Variants in DEK observed in about 807,000 individuals in gnomAD.
DEK encodes protein DEK.
In DEK, 28 loss-of-function variants were observed where a neutral mutation model predicts 46.8. The observed-to-expected ratio is 0.60, with a 90% CI of 0.44 to 0.82. The LOEUF (loss-of-function observed/expected upper bound fraction) is 0.82, where lower values mean the gene tolerates loss of function less well. Among genes scored for constraint, DEK ranks in the 40% least tolerant of loss-of-function variants. The pLI is 0.00. For missense variants in DEK, 416 were observed against 430.6 expected, an observed-to-expected ratio of 0.97 and a Z score of 0.30; for synonymous variants, 160 against 144.5, an observed-to-expected ratio of 1.11 and a Z score of -0.77.
intron 3 of DEK, 67 bp downstream of exon 3, chr6:18,258,237 C>T: frequency 7.2e-7 from 1 of 1,391,408 alleles, no homozygotes; most frequent in Non-Finnish European, 1.0e-6. Context: ...TACTAAGCTA[C>T]AAACCATCAT....
intron 10 of DEK, 60 bp downstream of exon 10, chr6:18,226,114 T>C: frequency 1.7e-6 from 2 of 1,177,784 alleles, no homozygotes; most frequent in Non-Finnish European, 1.1e-6. Flanking sequence ...ATGGAGTATT[T>C]TATGTAATTA....
Position 18,263,868 on chromosome 6 carries a change from G to C in DEK, c.120C>G (p.Asp40Glu), listed in dbSNP as rs1218791710. The C allele has an allele frequency of 1.7e-5, 27 of 1,611,102 alleles. No individual in the cohort carries two copies. The highest frequency in any genetic ancestry group is 3.3e-4 in the Middle Eastern group (2 of 6,064). The change falls in exon 2 of 11, where the codon GAC becomes GAG. Residue 40 changes from aspartate (D) to glutamate (E), a missense_variant. Physicochemically the swap from Asp to Glu is conservative, Grantham distance 45. Transcript: ENST00000652689. ...EESEEEEDED[D>E]EEEEEEEKEK... is the part of the protein sequence containing the mutation. ...CTTTTTCCTCCTCCTCCTCCTCCTC[G>C]TCGTCCTCGTCCTCTTCCTCCTCGC... is the stretch of plus-strand genomic sequence containing the variant.
intron 9 of DEK, among the ~76,000 whole-genome samples, chr6:18,228,038 T>C (rs997595228): frequency 6.6e-6 from 1 of 152,190 alleles, no homozygotes; most frequent in Non-Finnish European, 1.5e-5. Context: ...TTATACTTGC[T>C]GCTTGACTCA....
intron 7 of DEK, among the ~76,000 whole-genome samples, chr6:18,237,769 T>C (rs976854705): frequency 1.1e-4 from 17 of 151,920 alleles, no homozygotes; most frequent in Admixed American, 3.9e-4. Context: ...ATAAACTACA[T>C]ATGCATTACT....
At chr6:18,237,753 CTATGGATAAACTACA>C (rs1790722161) in intron 7 of DEK, among the ~76,000 whole-genome samples, 1 of 151,774 alleles carries the variant, frequency 6.6e-6, no homozygotes, top group Non-Finnish European at 1.5e-5. Flanking sequence ...TTATTCAACA[CTATGGATAAACTACA>C]TATGCATTAC....
intron 5 of DEK, among the ~76,000 whole-genome samples, 189 bp from the exon 6 acceptor site, chr6:18,256,040 T>A (rs1582292974): frequency 6.6e-6 from 1 of 151,516 alleles, no homozygotes; most frequent in East Asian, 1.9e-4. Context: ...CAGGCTGGAG[T>A]GCAATGGCCC....
chr6:18,228,785 C>T (rs988025473), intron 9 of DEK, among the ~76,000 whole-genome samples: 1 of 152,244 alleles, frequency 6.6e-6, no homozygotes, highest in Non-Finnish European at 1.5e-5. Flanking sequence ...GCTAGCACGG[C>T]AGTGTAAGAT....
In DEK at chr6:18,225,751, T is replaced by G. The variant is rs779022944; in HGVS notation, c.1117-21A>C. 8.7e-6 allele frequency: 14 copies of G among 1,612,778 alleles called. No homozygotes were observed. The East Asian group carries it at 2.5e-4, about 28-fold the overall frequency. On this transcript the variant is annotated intron_variant, in intron 10 of 10. Transcript: ENST00000652689. Reference sequence around the variant, plus strand: ...ATTAGCTGTAATGAAAGAGAAACATTATTTTGCCATAAATCATAAACCTTT... The same window carrying G: ...ATTAGCTGTAATGAAAGAGAAACATGATTTTGCCATAAATCATAAACCTTT...
intron 9 of DEK, among the ~76,000 whole-genome samples, chr6:18,232,233 T>C (rs1437649630): frequency 2.6e-5 from 4 of 152,172 alleles, no homozygotes; most frequent in Admixed American, 2.0e-4. Context: ...TAAAGAGCTA[T>C]TTATGACAAA....
intron 9 of DEK, 146 bp from the exon 10 acceptor site, chr6:18,226,388 T>G: frequency 3.4e-6 from 2 of 592,694 alleles, no homozygotes; most frequent in Non-Finnish European, 5.1e-6. Context: ...TGGAATTCTA[T>G]TCCAAATGAG....
chr6:18,261,432 T>C (rs1486083914), intron 2 of DEK, among the ~76,000 whole-genome samples: 2 of 152,112 alleles, frequency 1.3e-5, no homozygotes, highest in Non-Finnish European at 2.9e-5. Context: ...ATCAGCCAGC[T>C]GTGGTGGCAT....
Position 18,236,472 on chromosome 6 carries a change from T to A in DEK, c.1027A>T (p.Met343Leu). 6.2e-7 allele frequency: 1 copy of A among 1,611,560 alleles called. No individual in the cohort carries two copies. ...ATTACCTTTTTGCAAATCTGTTTCA[T>A]TGTGACTTCTTCCAAGTTAGCACTG... is the stretch of plus-strand genomic sequence containing the variant. ...LASANLEEVT[M>L]KQICKKVYEN... Residue 343 changes from methionine to leucine, a missense_variant, in exon 9 of 11, where the codon ATG becomes TTG. By Grantham distance (15) the Met-to-Leu change is conservative. Coordinates refer to ENST00000652689, the MANE Select transcript of DEK (RefSeq NM_003472.4).
rs1377920540 is a variant in DEK at position 18,230,253 on chromosome 6, G to A, written c.1048-4011C>T. 3.9e-5 allele frequency among the ~76,000 whole-genome samples: 6 copies of A among 151,994 alleles called. No homozygotes were observed. In the South Asian group the frequency reaches 6.2e-4, roughly 16 times the overall value. On this transcript the variant is annotated intron_variant, in intron 9 of 10. Coordinates refer to ENST00000652689, the MANE Select transcript of DEK (RefSeq NM_003472.4). ...GCACTAAACATGGAAAGGAACAACC[G>A]GTACCAGCCACTGCAAAAACATGCC...
intron 6 of DEK, 43 bp from the exon 7 acceptor site, chr6:18,249,882 T>G: frequency 6.6e-7 from 1 of 1,523,482 alleles, no homozygotes; most frequent in Non-Finnish European, 8.8e-7. Context: ...AGGTATAATA[T>G]TTCAATCAAT....
chr6:18,230,518 G>A (rs915307277), intron 9 of DEK, among the ~76,000 whole-genome samples: 5 of 152,116 alleles, frequency 3.3e-5, no homozygotes, highest in East Asian at 3.8e-4. Flanking sequence ...GGCTCAAAAT[G>A]AAGGGATGGA....
chr6:18,260,631 C>G (rs1023900243), intron 2 of DEK, among the ~76,000 whole-genome samples: 7 of 152,276 alleles, frequency 4.6e-5, no homozygotes, highest in Non-Finnish European at 8.8e-5. Flanking sequence ...TTTCTTAGGA[C>G]AGACTTCAGA....
chr6:18,237,611 G>C, intron 7 of DEK, 95 bp from the exon 8 acceptor site: 8 of 1,423,576 alleles, frequency 5.6e-6, no homozygotes, highest in Non-Finnish European at 7.4e-6. Flanking sequence ...AATAATATTA[G>C]AGAAAACCAA....
At chr6:18,259,169 T>C (rs562216687) in intron 2 of DEK, among the ~76,000 whole-genome samples, 12 of 146,910 alleles carry the variant, frequency 8.2e-5, no homozygotes, top group Admixed American at 2.0e-4. Flanking sequence ...GAGACCATCC[T>C]GGCTAACTCA....
At chr6:18,260,923 T>C (rs1362710539) in intron 2 of DEK, among the ~76,000 whole-genome samples, 1 of 151,186 alleles carries the variant, frequency 6.6e-6, no homozygotes, top group Non-Finnish European at 1.5e-5. Context: ...GAGGCAGAGT[T>C]TGCAGTGAGC....
Sources: gnomAD v4.1 joint callset for allele counts (sites outside exome capture counted in the v4.1 genomes callset) on GRCh38, gnomAD v4.1.1 for gene constraint, MANE v1.5 for transcripts, NCBI Gene and HGNC (gene_info 2026-07-23, HGNC 2026-07-21) for gene names.